The following SPSB1 variants were observed in gnomAD, a reference collection of about 807,000 sequenced individuals.
SPSB1 encodes SPRY domain-containing SOCS box protein 1.
SPSB1 carries 8 observed loss-of-function variants against 21.2 expected under a neutral mutation model. The observed-to-expected ratio is 0.38, with a 90% CI of 0.22 to 0.68. The LOEUF is 0.68. Among genes scored for constraint, SPSB1 ranks in the 30% least tolerant of loss-of-function variants. SPSB1 has a pLI of 0.53. For synonymous variants in SPSB1, 169 were observed against 161.7 expected (o/e 1.05, Z -0.34); for missense variants, 242 against 377.8 (o/e 0.64, Z 2.98).
chr1:9,318,263 C>G (rs1349637977), intron 1 of SPSB1, among the ~76,000 whole-genome samples: 2 of 152,246 alleles, frequency 1.3e-5, no homozygotes, highest in Non-Finnish European at 2.9e-5. Flanking sequence ...GTGACGGGTC[C>G]TCCGCCCGCT....
intron 1 of SPSB1, among the ~76,000 whole-genome samples, chr1:9,351,834 T>G (rs1166664219): frequency 6.6e-6 from 1 of 152,134 alleles, no homozygotes; most frequent in Non-Finnish European, 1.5e-5. Flanking sequence ...GCCACCACAG[T>G]GATTGACCAC....
chr1:9,298,705 T>C lies in SPSB1; in HGVS notation c.-150+5634T>C, dbSNP rs149289364. On this transcript the variant is annotated intron_variant, in intron 1 of 2. Coordinates refer to ENST00000328089, the MANE Select transcript of SPSB1 (RefSeq NM_025106.4). ...GTGGCCCACTAGTCAGAGAAGGGGCTTATGGAGGTCAGGTGATCAATGGAG... is the reference window on the plus strand; with the variant it reads ...GTGGCCCACTAGTCAGAGAAGGGGCCTATGGAGGTCAGGTGATCAATGGAG... 1.5e-4 allele frequency among the ~76,000 whole-genome samples: 23 copies of C among 152,274 alleles called. No individual in the cohort carries two copies. In the East Asian group the frequency reaches 3.9e-3, roughly 26 times the overall value.
chr1:9,361,926 T>G (rs923059490), intron 2 of SPSB1, among the ~76,000 whole-genome samples: 1 of 152,256 alleles, frequency 6.6e-6, no homozygotes, highest in Admixed American at 6.5e-5. Context: ...GTCCTCTGGC[T>G]CTACCCCCAC....
chr1:9,351,560 T>G (rs1181685270), intron 1 of SPSB1: 1 of 152,052 alleles, frequency 6.6e-6, no homozygotes, highest in Non-Finnish European at 1.5e-5. Flanking sequence ...GCTTGGAAGC[T>G]TCAGGAAGCA....
At chr1:9,294,017 ACT>A (rs1457771752) in intron 1 of SPSB1, among the ~76,000 whole-genome samples, 1 of 114,512 alleles carries the variant, frequency 8.7e-6, no homozygotes, top group Non-Finnish European at 1.8e-5. Flanking sequence ...TGTGCCTGAG[ACT>A]CTAAGTGACT....
Position 9,315,428 on chromosome 1 carries a change from T to C in SPSB1, c.-150+22357T>C, listed in dbSNP as rs183426980. Among the ~76,000 whole-genome samples, 3 of 152,382 alleles carry C rather than the reference T, an allele frequency of 2.0e-5. No individual in the cohort carries two copies. The East Asian group carries it at 5.8e-4, about 29-fold the overall frequency. Reference sequence around the variant, plus strand: ...TGTGTCGTTGTCTCACGCAAGTCTTTACAATACAACACACACACCTTGTGG... The same window carrying C: ...TGTGTCGTTGTCTCACGCAAGTCTTCACAATACAACACACACACCTTGTGG... On this transcript the variant is annotated intron_variant, in intron 1 of 2. Transcript: ENST00000328089.
chr1:9,293,522 TGGC>T lies in SPSB1; in HGVS notation c.-150+456_-150+458del, dbSNP rs982281874. On this transcript the variant is annotated intron_variant, in intron 1 of 2. Coordinates refer to ENST00000328089, the MANE Select transcript of SPSB1 (RefSeq NM_025106.4). The surrounding 1 kb of genome is among the most constrained non-coding windows in gnomAD (Gnocchi z 5.1). ...TTTTCCCGCCAGTCCGAGTCGGGAT[TGGC>T]GGCGCGGCCCGGTCCCCCGTCGGGG... 2.0e-5 allele frequency among the ~76,000 whole-genome samples: 3 copies of T among 151,406 alleles called. No homozygotes were observed. The highest frequency in any genetic ancestry group is 6.6e-5 in the Admixed American group (1 of 15,234).
intron 1 of SPSB1, among the ~76,000 whole-genome samples, chr1:9,344,150 C>T (rs191481322): frequency 1.3e-5 from 2 of 152,292 alleles, no homozygotes; most frequent in Admixed American, 6.5e-5. Flanking sequence ...TAATAGGGAT[C>T]TGAGATTCTA....
At chr1:9,296,315 G>A (rs903365547) in intron 1 of SPSB1, among the ~76,000 whole-genome samples, 1 of 152,100 alleles carries the variant, frequency 6.6e-6, no homozygotes, top group Non-Finnish European at 1.5e-5. Flanking sequence ...CTAAGGTCTC[G>A]CGGCAAGGGA....
intron 1 of SPSB1, among the ~76,000 whole-genome samples, chr1:9,315,480 A>C (rs1449791227): frequency 6.6e-6 from 1 of 152,244 alleles, no homozygotes; most frequent in Non-Finnish European, 1.5e-5. Flanking sequence ...TTTACAGATG[A>C]GGAAACCAAG....
chr1:9,350,080 TA>T (rs1359563448), intron 1 of SPSB1, among the ~76,000 whole-genome samples: 3 of 150,162 alleles, frequency 2.0e-5, no homozygotes, highest in Non-Finnish European at 3.0e-5. Flanking sequence ...CACACACAGA[TA>T]CATACACGCC....
At chr1:9,298,569 A>C (rs1639265489) in intron 1 of SPSB1, among the ~76,000 whole-genome samples, 1 of 152,208 alleles carries the variant, frequency 6.6e-6, no homozygotes, top group African/African-American at 2.4e-5. Flanking sequence ...GGGACCTGTG[A>C]CCTTTTACCA....
In SPSB1 at chr1:9,299,468, ATCTC is replaced by A. The variant is rs113928555; in HGVS notation, c.-150+6415_-150+6418del. On this transcript the variant is annotated intron_variant, in intron 1 of 2. Transcript: ENST00000328089. ...AGCCTGGGCAACACAGTGAGACGTC[ATCTC>A]TCTCTCTCTCTCTCTCTTTTTTTGA... Among the ~76,000 whole-genome samples, 31 of 150,268 alleles carry A rather than the reference ATCTC, an allele frequency of 2.1e-4. 1 individual carries two copies. Among genetic ancestry groups the A allele is most frequent in the Admixed American group, 4.6e-4 (7 of 15,080 alleles).
chr1:9,300,177 A>T (rs1294034), intron 1 of SPSB1, among the ~76,000 whole-genome samples: 12,052 of 152,190 alleles, frequency 0.079, 1,517 homozygotes, highest in African/African-American at 0.27. Context: ...CTGTGAAGGT[A>T]TCCCCTCTAA....
At chr1:9,343,817 G>A (rs766616253) in intron 1 of SPSB1, among the ~76,000 whole-genome samples, 5 of 151,850 alleles carry the variant, frequency 3.3e-5, no homozygotes, top group South Asian at 2.1e-4. Context: ...ACAGAGTCTC[G>A]CTCTGTTGCC....
In SPSB1 at chr1:9,302,717, T is replaced by C. The variant is rs148737932; in HGVS notation, c.-150+9646T>C. On this transcript the variant is annotated intron_variant, in intron 1 of 2. Coordinates refer to ENST00000328089, the MANE Select transcript of SPSB1 (RefSeq NM_025106.4). Reference sequence around the variant, plus strand: ...GCAGTAGAGTCTTTTGAAGTTGCAATTACAATGCCAGCTAGGTGACAATAC... The same window carrying C: ...GCAGTAGAGTCTTTTGAAGTTGCAACTACAATGCCAGCTAGGTGACAATAC... 2.3e-3 allele frequency among the ~76,000 whole-genome samples: 345 copies of C among 152,264 alleles called. 1 individual carries two copies. The highest frequency in any genetic ancestry group is 7.8e-3 in the African/African-American group (322 of 41,542).
At chr1:9,330,577 C>T (rs577327275) in intron 1 of SPSB1, among the ~76,000 whole-genome samples, 77 of 152,200 alleles carry the variant, frequency 5.1e-4, no homozygotes, top group Non-Finnish European at 7.8e-4. Flanking sequence ...GATCTGGACA[C>T]ACGTATCCCT....
chr1:9,361,156 C>CCTTTTTTTTTTT lies in SPSB1; in HGVS notation c.694+4571_694+4572insCTTTTTTTTTTT, dbSNP rs1553128958. Among the ~76,000 whole-genome samples, 20 of 102,576 alleles carry CCTTTTTTTTTTT rather than the reference C, an allele frequency of 1.9e-4. 6 individuals carry two copies. The highest frequency in any genetic ancestry group is 2.0e-4 in the Admixed American group (2 of 9,804). The allele number at this position is 102,576 out of a possible 152,430, so 67.3% of individuals were successfully genotyped here. On this transcript the variant is annotated intron_variant, in intron 2 of 2. Coordinates refer to ENST00000328089, the MANE Select transcript of SPSB1 (RefSeq NM_025106.4). The stretch of plus-strand genomic sequence containing the variant: ...CAGGCATGGCTGGATCTGTCATTTT[C>CCTTTTTTTTTTT]TTTTTTTTTTTTTTTTTTTTTTTTT...
intron 2 of SPSB1, among the ~76,000 whole-genome samples, chr1:9,360,628 G>A (rs964795700): frequency 6.6e-6 from 1 of 152,194 alleles, no homozygotes; most frequent in Non-Finnish European, 1.5e-5. Context: ...GTCTGTAGAT[G>A]CCTCCCTGAG....
Sources: gnomAD v4.1 joint callset for allele counts (sites outside exome capture counted in the v4.1 genomes callset) on GRCh38, gnomAD v4.1.1 for gene constraint, Gnocchi (gnomAD v3.1) non-coding constraint, MANE v1.5 for transcripts, NCBI Gene and HGNC (gene_info 2026-07-23, HGNC 2026-07-21) for gene names.